Variants in GRIK1 observed in about 807,000 individuals in gnomAD.
GRIK1 encodes glutamate receptor ionotropic, kainate 1.
A neutral mutation model predicts 105.7 loss-of-function variants in GRIK1; 69 were observed. That is an observed-to-expected ratio of 0.65 (90% CI 0.54 to 0.80). The LOEUF is 0.80. GRIK1 is among the 30% of genes least tolerant of loss of function. The pLI, the probability that GRIK1 is intolerant of heterozygous loss-of-function variation, is 0.00. For synonymous variants in GRIK1, 438 were observed against 431.3 expected (o/e 1.02, Z -0.19); for missense variants, 1,109 against 1,167.3 (o/e 0.95, Z 0.73).
At chr21:29,844,142 G>T (rs565033298) in intron 1 of GRIK1, among the ~76,000 whole-genome samples, 3 of 152,122 alleles carry the variant, frequency 2.0e-5, no homozygotes, top group African/African-American at 7.2e-5. Flanking sequence ...AGATATCTTT[G>T]TCATTGCATT....
chr21:29,906,492 A>G (rs886692881), intron 1 of GRIK1, among the ~76,000 whole-genome samples: 2 of 152,164 alleles, frequency 1.3e-5, no homozygotes, highest in Non-Finnish European at 2.9e-5. Context: ...TTTTTAAGGT[A>G]GATTGACACT....
intron 1 of GRIK1, among the ~76,000 whole-genome samples, chr21:29,695,036 C>T (rs2063667779): frequency 6.6e-6 from 1 of 151,894 alleles, no homozygotes; most frequent in East Asian, 1.9e-4. Context: ...AAACCTGCAT[C>T]AGGTAACTGA....
intron 1 of GRIK1, among the ~76,000 whole-genome samples, chr21:29,839,554 G>T (rs984115934): frequency 6.6e-6 from 1 of 152,212 alleles, no homozygotes; most frequent in African/African-American, 2.4e-5. Context: ...GGGAAAAAGT[G>T]AGACTTGGTA....
intron 16 of GRIK1, among the ~76,000 whole-genome samples, chr21:29,547,923 G>T (rs1285270931): frequency 6.6e-6 from 1 of 152,194 alleles, no homozygotes; most frequent in Non-Finnish European, 1.5e-5. Flanking sequence ...GGTTGAGTGG[G>T]TTATCAAATG....
At chr21:29,730,579 G>C (rs541647500) in intron 1 of GRIK1, among the ~76,000 whole-genome samples, 6 of 152,182 alleles carry the variant, frequency 3.9e-5, no homozygotes, top group Non-Finnish European at 8.8e-5. Flanking sequence ...GTATTTGCAA[G>C]ACAGAACTTA....
chr21:29,842,667 A>G (rs2068014072), intron 1 of GRIK1, among the ~76,000 whole-genome samples: 1 of 152,238 alleles, frequency 6.6e-6, no homozygotes, highest in Non-Finnish European at 1.5e-5. Flanking sequence ...AAAGAAAAGC[A>G]AAACTCAGGC....
At chr21:29,758,325 G>A (rs1319320052) in intron 1 of GRIK1, among the ~76,000 whole-genome samples, 1 of 152,210 alleles carries the variant, frequency 6.6e-6, no homozygotes, top group Non-Finnish European at 1.5e-5. Context: ...GTTCCACATG[G>A]ATGGGGAGCC....
At chr21:29,870,418 T>G (rs2068968339) in intron 1 of GRIK1, among the ~76,000 whole-genome samples, 1 of 151,976 alleles carries the variant, frequency 6.6e-6, no homozygotes, top group African/African-American at 2.4e-5. Context: ...TATACTTACT[T>G]TGTACAAATC....
At chr21:29,829,496 G>A (rs74443948) in intron 1 of GRIK1, among the ~76,000 whole-genome samples, 9,458 of 152,224 alleles carry the variant, frequency 0.062, 451 homozygotes, top group Non-Finnish European at 0.095. Flanking sequence ...CCAAGCAAGA[G>A]CTCAATGAAC....
rs183113097 is a variant in GRIK1 at position 29,878,254 on chromosome 21, C to T, written c.118+61129G>A. 2.8e-4 allele frequency among the ~76,000 whole-genome samples: 42 copies of T among 152,224 alleles called. No individual in the cohort carries two copies. In the East Asian group the frequency reaches 7.7e-3, roughly 28 times the overall value. The stretch of plus-strand genomic sequence containing the variant: ...GCAGGCAAAAGAGGTCACCTATAGC[C>T]TCAGCAAGGGTTAATAAGGAAGTGA... On this transcript the variant is annotated intron_variant, in intron 1 of 17. Coordinates refer to ENST00000327783, the MANE Select transcript of GRIK1 (RefSeq NM_001330994.2).
intron 7 of GRIK1, among the ~76,000 whole-genome samples, chr21:29,605,901 G>C (rs1025179222): frequency 3.3e-5 from 5 of 151,768 alleles, no homozygotes; most frequent in African/African-American, 1.2e-4. Context: ...ATTGTGTATG[G>C]AAGGCTCATG....
At chr21:29,655,792 C>T (rs1046980474) in intron 4 of GRIK1, among the ~76,000 whole-genome samples, 2 of 151,894 alleles carry the variant, frequency 1.3e-5, no homozygotes, top group Admixed American at 6.6e-5. Flanking sequence ...TACTTGGGAT[C>T]GTAATAGTTC....
intron 7 of GRIK1, among the ~76,000 whole-genome samples, chr21:29,631,874 A>G (rs983949733): frequency 6.6e-6 from 1 of 152,118 alleles, no homozygotes; most frequent in Non-Finnish European, 1.5e-5. Flanking sequence ...TTTTTATTGG[A>G]CAATGCAACA....
chr21:29,614,812 G>A (rs2061809735), intron 7 of GRIK1, among the ~76,000 whole-genome samples: 1 of 151,396 alleles, frequency 6.6e-6, no homozygotes, highest in Admixed American at 6.6e-5. Context: ...CATAAACTTT[G>A]TGTTCCAACT....
chr21:29,897,270 T>C (rs460855), intron 1 of GRIK1, among the ~76,000 whole-genome samples: 33,644 of 152,090 alleles, frequency 0.22, 4,247 homozygotes, highest in African/African-American at 0.34. Context: ...GCAGAGTGAA[T>C]TTCAAGTTGA....
At chr21:29,757,377 A>T (rs529751033) in intron 1 of GRIK1, among the ~76,000 whole-genome samples, 5 of 152,348 alleles carry the variant, frequency 3.3e-5, no homozygotes, top group Non-Finnish European at 4.4e-5. Flanking sequence ...TATTTCTCAC[A>T]TAGTGCTAAT....
intron 4 of GRIK1, among the ~76,000 whole-genome samples, chr21:29,659,902 T>C (rs542614504): frequency 6.6e-6 from 1 of 152,046 alleles, no homozygotes; most frequent in East Asian, 1.9e-4. Flanking sequence ...GCGGAGATTG[T>C]GGTGAGCCGA....
At chr21:29,887,592 T>C (rs1461360805) in intron 1 of GRIK1, among the ~76,000 whole-genome samples, 1 of 152,036 alleles carries the variant, frequency 6.6e-6, no homozygotes, top group East Asian at 1.9e-4. Context: ...TGTACACATT[T>C]CAGGCAATTT....
rs67924486 is a variant in GRIK1, at chr21:29,542,384, T to TAC, written c.2608-4501_2608-4500insGT. 3.1e-4 allele frequency among the ~76,000 whole-genome samples: 4 copies of TAC among 12,916 alleles called. No individual in the cohort carries two copies. The Admixed American group carries it at 6.8e-3, about 22-fold the overall frequency. The allele number at this position is 12,916 out of a possible 152,430, so 8.5% of individuals were successfully genotyped here. On this transcript the variant is annotated intron_variant, in intron 16 of 17. Coordinates refer to ENST00000327783, the MANE Select transcript of GRIK1 (RefSeq NM_001330994.2). Reference sequence around the variant, plus strand: ...AGCTTGTGTGAGCCTGAATATAAATTATATCTTCTCTTTACACCTTTATCC... The same window carrying TAC: ...AGCTTGTGTGAGCCTGAATATAAATTACATATCTTCTCTTTACACCTTTATCC...
Sources: allele counts gnomAD v4.1 joint callset (sites outside exome capture counted in the v4.1 genomes callset), GRCh38; gene constraint gnomAD v4.1.1; transcripts MANE v1.5; gene names NCBI Gene and HGNC (gene_info 2026-07-23, HGNC 2026-07-21).